Variants in NAF1 observed in about 807,000 individuals in gnomAD.
NAF1 encodes the protein H/ACA ribonucleoprotein complex non-core subunit NAF1.
In NAF1, 11 loss-of-function variants were observed where a neutral mutation model predicts 40.6. That is an observed-to-expected ratio of 0.27 (90% CI 0.17 to 0.45). The LOEUF is 0.45. Ranked by LOEUF, NAF1 falls within the 20% of genes least tolerant of loss-of-function variation. The pLI, the probability that NAF1 is intolerant of heterozygous loss-of-function variation, is 1.00. For synonymous variants in NAF1, 260 were observed against 228.5 expected (o/e 1.14, Z -1.24); for missense variants, 607 against 611.1 (o/e 0.99, Z 0.07).
At chr4:163,104,247 G>T in the NAF1 span, among the ~76,000 whole-genome samples, 2 of 151,492 alleles carry the variant, frequency 1.3e-5, no homozygotes, top group African/African-American at 4.8e-5. Flanking sequence ...TTCTTCACTT[G>T]CTTCAGGCCA....
chr4:163,132,480 G>T (rs902683501), intron 7 of NAF1, among the ~76,000 whole-genome samples: 1 of 152,198 alleles, frequency 6.6e-6, no homozygotes, highest in Non-Finnish European at 1.5e-5. Context: ...TCGTACTACA[G>T]TGTATAACTT....
chr4:163,141,960 G>A, intron 4 of NAF1: 2 of 973,510 alleles, frequency 2.1e-6, no homozygotes, highest in Non-Finnish European at 2.4e-6. Flanking sequence ...CTGAAGATAT[G>A]TGTACTCTAA....
chr4:163,140,244 A>G lies in NAF1; in HGVS notation c.857T>C (p.Ile286Thr), dbSNP rs749825432. 1.2e-6 allele frequency: 2 copies of G among 1,603,232 alleles called. No homozygotes were observed. The highest frequency in any genetic ancestry group is 2.3e-5 in the South Asian group (2 of 88,344). The change falls in exon 5 of 8, where the codon ATA becomes ACA. Residue 286 changes from isoleucine (I) to threonine (T), a missense_variant. Transcript: ENST00000274054. The stretch of plus-strand genomic sequence containing the variant: ...TTACTGTTTTAGTTTTTCTGTGAAT[A>G]TATATTGAGTGAAATCTTTCATTGA... Reference protein sequence around the residue: ...APSMKDFTQYIFTEKLKQDKG... With the variant: ...APSMKDFTQYTFTEKLKQDKG...
intron 2 of NAF1, among the ~76,000 whole-genome samples, chr4:163,118,504 G>A (rs758837779): frequency 3.9e-5 from 6 of 152,200 alleles, no homozygotes; most frequent in Admixed American, 6.5e-5. Context: ...TGTAATCCCA[G>A]CACTTTGGGA....
downstream of NAF1, among the ~76,000 whole-genome samples, chr4:163,107,964 G>A (rs1000219305): frequency 1.1e-4 from 17 of 152,080 alleles, no homozygotes; most frequent in African/African-American, 3.6e-4. Context: ...GATAATGTTT[G>A]ACATACAGGA....
Position 163,115,198 on chromosome 4 carries a change from AATTTTTTTATTT to A in NAF1, c.115-4920_115-4909del, listed in dbSNP as rs1344821621. On this transcript the variant is annotated intron_variant, in intron 2 of 2. Coordinates refer to the NAF1 transcript ENST00000509434. ...GATACTATTGGCGATATAGGACAAT[AATTTTTTTATTT>A]ATTTTTTTTTTTTTTTGAGACAGAG... Among the ~76,000 whole-genome samples, 40 of 102,028 alleles carry A rather than the reference AATTTTTTTATTT, an allele frequency of 3.9e-4. 1 individual carries two copies. The highest frequency in any genetic ancestry group is 1.4e-3 in the African/African-American group (39 of 27,646). The allele number at this position is 102,028 out of a possible 152,430, so 66.9% of individuals were successfully genotyped here. A position where few individuals can be genotyped will look rare whatever the true frequency, so the allele number is the denominator to read the frequency against.
downstream of NAF1, among the ~76,000 whole-genome samples, chr4:163,127,968 ATT>A (rs1234843893): frequency 6.6e-6 from 1 of 152,230 alleles, no homozygotes; most frequent in Non-Finnish European, 1.5e-5. Context: ...TAGTTAAATT[ATT>A]TTAACCTCTT....
chr4:163,157,670 T>G (rs1192786005), intron 2 of NAF1, among the ~76,000 whole-genome samples: 1 of 152,128 alleles, frequency 6.6e-6, no homozygotes, highest in East Asian at 1.9e-4. Context: ...ACTTCTGGAA[T>G]ATCCATGAAA....
intron 2 of NAF1, among the ~76,000 whole-genome samples, chr4:163,155,005 G>C (rs1435244143): frequency 6.6e-6 from 1 of 152,104 alleles, no homozygotes; most frequent in East Asian, 1.9e-4. Flanking sequence ...GGTTCAGAGA[G>C]AACTTTAGAA....
Position 163,166,696 on chromosome 4 carries a change from A to C in NAF1, c.32T>G (p.Leu11Arg). 6.2e-7 allele frequency: 1 copy of C among 1,613,780 alleles called. No individual in the cohort carries two copies. Among genetic ancestry groups the C allele is most frequent in the Non-Finnish European group, 8.5e-7 (1 of 1,180,014 alleles). The stretch of plus-strand genomic sequence containing the variant: ...GGTGCCATTGAATTTCAGAGTTTCC[A>C]GCTGAGCGGCGGCGGCCTCCACTAC... Reference protein sequence around the residue: MEVVEAAAAQLETLKFNGTDF... With the variant: MEVVEAAAAQRETLKFNGTDF... The change falls in exon 1 of 8, where the codon CTG (leucine) becomes CGG (arginine). Residue 11 changes from leucine to arginine, a missense_variant. Coordinates refer to ENST00000274054, the MANE Select transcript of NAF1 (RefSeq NM_138386.3).
chr4:163,140,191 A>C, intron 5 of NAF1, 32 bp downstream of exon 5: 1 of 1,518,210 alleles, frequency 6.6e-7, no homozygotes, highest in East Asian at 2.3e-5. Context: ...ACGTTAGGTA[A>C]GTGAAGAACA....
chr4:163,115,409 C>T (rs1159268552), intron 2 of NAF1, among the ~76,000 whole-genome samples: 1 of 151,590 alleles, frequency 6.6e-6, no homozygotes, highest in Non-Finnish European at 1.5e-5. Flanking sequence ...GGGGTTTCAC[C>T]GTGGTCTCGA....
downstream of NAF1, among the ~76,000 whole-genome samples, chr4:163,109,719 G>C (rs1172268289): frequency 2.0e-5 from 3 of 152,188 alleles, no homozygotes; most frequent in African/African-American, 7.2e-5. Context: ...GTGGCAAGGA[G>C]AGAGTGCTCC....
At chr4:163,165,005 C>T (rs1289298558) in intron 1 of NAF1, among the ~76,000 whole-genome samples, 3 of 152,168 alleles carry the variant, frequency 2.0e-5, no homozygotes, top group Admixed American at 6.5e-5. Flanking sequence ...AGGGTTCCAT[C>T]CTCACTTTCT....
intron 1 of NAF1, among the ~76,000 whole-genome samples, chr4:163,165,870 A>G (rs1198146856): frequency 2.6e-5 from 4 of 152,086 alleles, no homozygotes; most frequent in Non-Finnish European, 5.9e-5. Context: ...GTTCCCTGCA[A>G]GGATTCTATA....
rs1460904536 is a variant in NAF1, at chr4:163,128,976, G to A, written c.1406C>T (p.Pro469Leu). 4 of 1,479,134 alleles carry A rather than the reference G, an allele frequency of 2.7e-6. No individual in the cohort carries two copies. Among genetic ancestry groups the A allele is most frequent in the Non-Finnish European group, 3.7e-6 (4 of 1,077,586 alleles). The allele number at this position is 1,479,134 out of a possible 1,614,324, so 91.6% of individuals were successfully genotyped here. Residue 469 changes from proline (P) to leucine (L), a missense_variant, in exon 8 of 8, where the codon CCC becomes CTC. By Grantham distance (98) the Pro-to-Leu change is moderately conservative. This residue lies in a region of NAF1 where 189 missense variants were observed against 216.6 expected (regional missense o/e 0.87). Transcript: ENST00000274054. ...CAGTGGTGGAGGGGGAGGGGGTGGG[G>A]GTAGGGAGTATGGTAAGTTAAGTAA... ...HPLLNLPYSL[P>L]PPPPPPPLPP... is the part of the protein sequence containing the mutation.
intron 7 of NAF1, among the ~76,000 whole-genome samples, chr4:163,131,748 T>A (rs997071164): frequency 2.0e-5 from 3 of 152,196 alleles, no homozygotes; most frequent in Admixed American, 6.5e-5. Context: ...ACTTTAGTAT[T>A]GCAAAAGGCC....
At chr4:163,120,068 G>A (rs1181854223) in intron 2 of NAF1, 1 of 152,230 alleles carries the variant, frequency 6.6e-6, no homozygotes, top group Non-Finnish European at 1.5e-5. Context: ...GAGCCTAACA[G>A]TGCCAAATCA....
At chr4:163,157,323 G>A (rs147952896) in intron 2 of NAF1, 2 of 152,090 alleles carry the variant, frequency 1.3e-5, no homozygotes, top group East Asian at 1.9e-4. Context: ...AGATTCCAAC[G>A]TTGCTATGCA....
Sources: gnomAD v4.1 joint callset for allele counts (sites outside exome capture counted in the v4.1 genomes callset) on GRCh38, gnomAD v4.1.1 for gene constraint, gnomAD v4.1.1 regional missense constraint, MANE v1.5 for transcripts, NCBI Gene and HGNC (gene_info 2026-07-23, HGNC 2026-07-21) for gene names.